The following SEC13 variants were observed in gnomAD, a reference collection of about 807,000 sequenced individuals.
SEC13 encodes protein SEC13 homolog.
A neutral mutation model predicts 49.2 loss-of-function variants in SEC13; 25 were observed. That is an observed-to-expected ratio of 0.51 (90% CI 0.37 to 0.71). The LOEUF (loss-of-function observed/expected upper bound fraction) is 0.71. Among genes scored for constraint, SEC13 ranks in the 30% least tolerant of loss-of-function variants. SEC13 has a pLI of 0.00. For missense variants in SEC13, 383 were observed against 417.6 expected (o/e 0.92, Z 0.72); for synonymous variants, 148 against 163.9 (o/e 0.90, Z 0.74).
intron 5 of SEC13, among the ~76,000 whole-genome samples, chr3:10,309,654 C>T (rs938129249): frequency 1.3e-5 from 2 of 152,204 alleles, no homozygotes; most frequent in Non-Finnish European, 2.9e-5. Context: ...TTTGAAATAG[C>T]AGGTTACAGC....
chr3:10,304,261 C>T (rs1033076976), intron 7 of SEC13, 89 bp from the exon 8 acceptor site: 9 of 1,383,636 alleles, frequency 6.5e-6, no homozygotes, highest in Non-Finnish European at 9.1e-6. Flanking sequence ...CCACCCGGCA[C>T]CTCTCTGCAG....
rs757163460 is a variant in SEC13 at position 10,319,152 on chromosome 3, T to A, written c.4-1058A>T. ...GACATTTCTTACCATTTTCCCCATT[T>A]CATCTTTTCCAGCACAAGCCCTGTA... is the stretch of plus-strand genomic sequence containing the variant. On this transcript the variant is annotated intron_variant, in intron 1 of 8. Transcript: ENST00000350697. 7.4e-6 allele frequency: 12 copies of A among 1,611,216 alleles called. No homozygotes were observed. In the Admixed American group the frequency reaches 1.9e-4, roughly 25 times the overall value.
chr3:10,311,549 C>A (rs1701255850), intron 5 of SEC13: 1 of 747,616 alleles, frequency 1.3e-6, no homozygotes, highest in Admixed American at 5.9e-5. Flanking sequence ...CGCTGATTCA[C>A]CAAAAGTTGG....
At chr3:10,306,091 T>TAA (rs1274666474) in intron 5 of SEC13, among the ~76,000 whole-genome samples, 1 of 152,190 alleles carries the variant, frequency 6.6e-6, no homozygotes, top group East Asian at 1.9e-4. Context: ...TCTTCCACTA[T>TAA]AAGTAACCAC....
intron 5 of SEC13, among the ~76,000 whole-genome samples, chr3:10,306,400 G>A (rs1159920534): frequency 6.6e-6 from 1 of 152,168 alleles, no homozygotes; most frequent in Non-Finnish European, 1.5e-5. Context: ...GACTAGAGCT[G>A]GTGCGTTCTC....
At position 10,312,003 on chromosome 3, in the gene SEC13, C is replaced by G. The variant is rs11540906; in HGVS notation, c.412G>C (p.Gly138Arg). The change falls in exon 5 of 9, where the codon GGC (glycine) becomes CGC (arginine). Residue 138 changes from glycine to arginine, a missense_variant. Coordinates refer to ENST00000350697, the MANE Select transcript of SEC13 (RefSeq NM_183352.3). ...TTGATCTTCTTTACTTCCCATTGGC[C>G]TTCCCCGGTGTAAGTCAGCAGGGAG... ...AISLLTYTGE[G>R]QWEVKKINNA... The G allele has an allele frequency of 6.2e-7, 1 of 1,614,092 alleles. No individual in the cohort carries two copies. Among genetic ancestry groups the G allele is most frequent in the Middle Eastern group, 1.6e-4 (1 of 6,078 alleles).
Position 10,304,101 on chromosome 3 carries a change from C to A in SEC13, c.780G>T (p.Lys260Asn), listed in dbSNP as rs373755577. 21 of 1,614,086 alleles carry A rather than the reference C, an allele frequency of 1.3e-5. No homozygotes were observed. Among genetic ancestry groups the A allele is most frequent in the East Asian group, 8.9e-5 (4 of 44,904 alleles). ...SNTWSPKLLHKFNDVVWHVSW... is the reference protein window; with the variant it reads ...SNTWSPKLLHNFNDVVWHVSW... ...TCACATGCCACACCACATCGTTGAA[C>A]TTGTGCAACAATTTAGGGGACCACG... Residue 260 changes from lysine (K) to asparagine (N), a missense_variant, in exon 8 of 9, where the codon AAG (lysine) becomes AAT (asparagine). Physicochemically the swap from Lys to Asn is moderately conservative, Grantham distance 94 (BLOSUM62 0). Transcript: ENST00000350697.
At chr3:10,313,014 T>A (rs553664358) in intron 3 of SEC13, 8 of 390,816 alleles carry the variant, frequency 2.0e-5, no homozygotes, top group Non-Finnish European at 3.3e-5. Context: ...TTGCCCAGAC[T>A]GCAGCCAGCA....
intron 1 of SEC13, 106 bp from the exon 2 acceptor site, chr3:10,318,200 T>C (rs1701725344): frequency 1.3e-6 from 1 of 769,524 alleles, no homozygotes; most frequent in African/African-American, 1.7e-5. Flanking sequence ...CATTCATTCA[T>C]TCAGTAAGCA....
intron 7 of SEC13, 147 bp from the exon 8 acceptor site, chr3:10,304,319 C>T (rs1287592603): frequency 7.1e-6 from 5 of 703,986 alleles, no homozygotes; most frequent in Non-Finnish European, 1.2e-5. Context: ...CTGGGGCGTC[C>T]ACAGCTTTGT....
intron 8 of SEC13, among the ~76,000 whole-genome samples, chr3:10,303,328 G>C (rs760040226): frequency 6.6e-6 from 1 of 152,262 alleles, no homozygotes; most frequent in African/African-American, 2.4e-5. Context: ...ACCCTGCGGC[G>C]TTAGAGATCC....
chr3:10,316,495 C>G (rs1003018858), intron 2 of SEC13, among the ~76,000 whole-genome samples: 1 of 152,116 alleles, frequency 6.6e-6, no homozygotes, highest in Non-Finnish European at 1.5e-5. Flanking sequence ...TTCTGAAGCA[C>G]TTCTCATGCT....
At chr3:10,308,791 A>ATTT (rs34572074) in intron 5 of SEC13, among the ~76,000 whole-genome samples, 2 of 115,630 alleles carry the variant, frequency 1.7e-5, no homozygotes, top group Non-Finnish European at 1.8e-5. Context: ...GCTGAGTTGA[A>ATTT]TTTTTTTTTT....
intron 1 of SEC13, among the ~76,000 whole-genome samples, chr3:10,320,328 T>C (rs2059754376): frequency 1.3e-5 from 2 of 152,206 alleles, no homozygotes; most frequent in South Asian, 2.1e-4. Context: ...ATGTACTAGA[T>C]ATTCCAGGCT....
At chr3:10,319,335 A>T in intron 1 of SEC13, 1 of 1,543,856 alleles carries the variant, frequency 6.5e-7, no homozygotes, top group Non-Finnish European at 8.7e-7. Flanking sequence ...GCAAGTAAGG[A>T]CAATAAGGAG....
At chr3:10,313,372 G>A (rs1701403114) in intron 3 of SEC13, 3 of 516,526 alleles carry the variant, frequency 5.8e-6, no homozygotes, top group Admixed American at 2.0e-5. Flanking sequence ...TAGTGGTTAG[G>A]AGACCAGACC....
intron 8 of SEC13, chr3:10,303,434 C>G (rs886169176): frequency 6.5e-6 from 1 of 154,546 alleles, no homozygotes; most frequent in African/African-American, 2.4e-5. Context: ...GTAAAATACA[C>G]GTCACATAAA....
intron 5 of SEC13, among the ~76,000 whole-genome samples, chr3:10,309,353 C>T (rs188210019): frequency 1.3e-4 from 20 of 152,288 alleles, no homozygotes; most frequent in African/African-American, 4.8e-4. Context: ...TCCAGGGACT[C>T]CTGGTATTCG....
chr3:10,305,374 G>GA, intron 6 of SEC13, 185 bp downstream of exon 6: 4 of 1,028,210 alleles, frequency 3.9e-6, no homozygotes, highest in Non-Finnish European at 5.6e-6. Flanking sequence ...CAACAGTTGG[G>GA]AATTAGGTGA....
Sources: gnomAD v4.1 joint callset for allele counts (sites outside exome capture counted in the v4.1 genomes callset) on GRCh38, gnomAD v4.1.1 for gene constraint, MANE v1.5 for transcripts, NCBI Gene and HGNC (gene_info 2026-07-23, HGNC 2026-07-21) for gene names.